SPOCD1: variants seen among roughly 807,000 people sequenced by gnomAD.
SPOCD1 encodes SPOC domain-containing protein 1.
SPOCD1 carries 64 observed loss-of-function variants against 92.2 expected under a neutral mutation model. The ratio of observed to expected loss-of-function variants is 0.69; its 90% CI spans 0.57 to 0.86. The LOEUF (loss-of-function observed/expected upper bound fraction) is 0.86. Ranked by LOEUF, SPOCD1 falls within the 40% of genes least tolerant of loss-of-function variation. SPOCD1 has a pLI of 0.00. For synonymous variants in SPOCD1, 578 were observed against 619.3 expected, an observed-to-expected ratio of 0.93 and a Z score of 0.99; for missense variants, 1,360 against 1,543.1, an observed-to-expected ratio of 0.88 and a Z score of 1.99.
intron 2 of SPOCD1, among the ~76,000 whole-genome samples, chr1:31,809,300 T>A (rs72664935): frequency 6.6e-6 from 1 of 151,960 alleles, no homozygotes; most frequent in Non-Finnish European, 1.5e-5. Context: ...AACCTAAGTC[T>A]GCTACCATCA....
intron 2 of SPOCD1, among the ~76,000 whole-genome samples, chr1:31,804,087 T>C (rs1648653872): frequency 6.6e-6 from 1 of 152,164 alleles, no homozygotes; most frequent in African/African-American, 2.4e-5. Flanking sequence ...ACATCAACAC[T>C]CATGATAAGG....
chr1:31,805,760 T>C (rs1437439445), intron 2 of SPOCD1, among the ~76,000 whole-genome samples: 1 of 151,852 alleles, frequency 6.6e-6, no homozygotes, highest in Non-Finnish European at 1.5e-5. Flanking sequence ...TAGGAGTAGA[T>C]GTAAATAAAT....
rs1485060095 is a variant in SPOCD1 at position 31,791,127 on chromosome 1, C to T, written c.3127G>A (p.Val1043Met). 1 of 1,613,174 alleles carries T rather than the reference C, an allele frequency of 6.2e-7. No individual in the cohort carries two copies. Among genetic ancestry groups the T allele is most frequent in the Non-Finnish European group, 8.5e-7 (1 of 1,179,848 alleles). The change falls in exon 16 of 16, where the codon GTG (valine) becomes ATG (methionine). Residue 1043 changes from valine (V) to methionine (M), a missense_variant. Coordinates refer to ENST00000360482, the MANE Select transcript of SPOCD1 (RefSeq NM_144569.7). ...TCTGGCTGATAGTATCTCTTCTCCA[C>T]CTTACTGTTGAAGGAGACCATCTTT... ...VQKMVSFNSK[V>M]EKRYYQPDDR...
chr1:31,812,967 A>G (rs1449584338), intron 2 of SPOCD1, among the ~76,000 whole-genome samples: 1 of 152,228 alleles, frequency 6.6e-6, no homozygotes, highest in Non-Finnish European at 1.5e-5. Flanking sequence ...ACCAAAAACA[A>G]GTAGAGTCTT....
Position 31,814,341 on chromosome 1 carries a change from C to T in SPOCD1, c.993G>A (p.Gly331=), listed in dbSNP as rs143063120. 2,625 of 1,581,982 alleles carry T rather than the reference C, an allele frequency of 1.7e-3. 7 individuals carry two copies. Among genetic ancestry groups the T allele is most frequent in the Non-Finnish European group, 2.1e-3 (2,458 of 1,160,802 alleles). Residue 331 remains glycine, a synonymous_variant, in exon 2 of 16, where the codon GGG becomes GGA. Coordinates refer to ENST00000360482, the MANE Select transcript of SPOCD1 (RefSeq NM_144569.7). This position sits in a 1 kb window ranked among gnomAD's most constrained non-coding sequence, Gnocchi z 4.2. ...GCTCTGCAGAGGCCTGTGCTGACGC[C>T]CCCAGGCACAGTGCTGCGCTCTGTG... ...APPQSAALCL[G]ASAQASAEQQ... is the part of the protein sequence containing the mutation.
chr1:31,813,645 T>C (rs1649346693), intron 2 of SPOCD1, among the ~76,000 whole-genome samples: 1 of 152,120 alleles, frequency 6.6e-6, no homozygotes, highest in Non-Finnish European at 1.5e-5. Context: ...TTTTTTACAA[T>C]GAGGAAACCT....
chr1:31,811,975 A>T (rs1414602054), intron 2 of SPOCD1, among the ~76,000 whole-genome samples: 1 of 152,208 alleles, frequency 6.6e-6, no homozygotes, highest in Admixed American at 6.5e-5. Flanking sequence ...ATCTGGTCCA[A>T]ATAAATCATG....
rs1647511055 is a variant in SPOCD1 at position 31,790,606 on chromosome 1, G to C, written c.3648C>G (p.Ala1216=). Residue 1216 remains alanine (A), a synonymous_variant, in exon 16 of 16, where the codon GCC becomes GCG. Coordinates refer to ENST00000360482, the MANE Select transcript of SPOCD1 (RefSeq NM_144569.7). ...AGSECPFPRK[A] The stretch of plus-strand genomic sequence containing the variant: ...CTGTTCTGGTGGGTAAGGAGGGTCA[G>C]GCCTTTCTAGGGAAGGGACACTCAG... The C allele has an allele frequency of 6.4e-7, 1 of 1,551,554 alleles. No homozygotes were observed.
In SPOCD1 at chr1:31,800,511, C is replaced by G. The variant is rs1297658384; in HGVS notation, c.1532G>C (p.Ser511Thr). 3 of 1,612,596 alleles carry G rather than the reference C, an allele frequency of 1.9e-6. No homozygotes were observed. The highest frequency in any genetic ancestry group is 2.2e-5 in the East Asian group (1 of 44,840). Residue 511 changes from serine (S) to threonine (T), a missense_variant, in exon 4 of 16, where the codon AGC (serine) becomes ACC (threonine). By Grantham distance (58) the Ser-to-Thr change is moderately conservative. Around this residue, in one of 3 missense-constraint regions of SPOCD1, gnomAD observed 606 missense variants for 601.5 expected, o/e 1.01. Transcript: ENST00000360482. ...GAGCCTCTGGGCAGGTGAGGGTGAGCTGACCTCCATCAAGTCCTCTAGAAC... is the reference window on the plus strand; with the variant it reads ...GAGCCTCTGGGCAGGTGAGGGTGAGGTGACCTCCATCAAGTCCTCTAGAAC... ...LEVLEDLMEV[S>T]SPSPAQRLRR...
At chr1:31,808,249 G>T (rs1326734554) in intron 2 of SPOCD1, among the ~76,000 whole-genome samples, 4 of 151,748 alleles carry the variant, frequency 2.6e-5, no homozygotes, top group Non-Finnish European at 4.4e-5. Flanking sequence ...ACATGAAATT[G>T]AATTCACAAA....
chr1:31,814,339 G>A lies in SPOCD1; in HGVS notation c.995C>T (p.Ala332Val), dbSNP rs764054932. 62 of 1,579,252 alleles carry A rather than the reference G, an allele frequency of 3.9e-5. No individual in the cohort carries two copies. Among genetic ancestry groups the A allele is most frequent in the African/African-American group, 8.1e-5 (6 of 74,014 alleles). ...CTGCTCTGCAGAGGCCTGTGCTGAC[G>A]CCCCCAGGCACAGTGCTGCGCTCTG... ...PPQSAALCLG[A>V]SAQASAEQQE... Residue 332 changes from alanine (A) to valine (V), a missense_variant, in exon 2 of 16, where the codon GCG (alanine) becomes GTG (valine). Ala to Val is a moderately conservative substitution (Grantham distance 64). This residue lies in a region of SPOCD1 where 606 missense variants were observed against 601.5 expected (regional missense o/e 1.01). Transcript: ENST00000360482. The surrounding 1 kb of genome is among the most constrained non-coding windows in gnomAD (Gnocchi z 4.2).
rs374684278 is a variant in SPOCD1 at position 31,814,095 on chromosome 1, G to T, written c.1239C>A (p.Phe413Leu). The change falls in exon 2 of 16, where the codon TTC (phenylalanine) becomes TTA (leucine). Residue 413 changes from phenylalanine (F) to leucine (L), a missense_variant. Transcript: ENST00000360482. The surrounding 1 kb of genome is among the most constrained non-coding windows in gnomAD (Gnocchi z 4.2). ...TEASRACSGP[F>L]MEQRRSKGTK... is the part of the protein sequence containing the mutation. Reference sequence around the variant, plus strand: ...TGCCCTTGGATCTTCTCTGCTCCATGAATGGGCCTGAGCAGGCCCTGCTGG... The same window carrying T: ...TGCCCTTGGATCTTCTCTGCTCCATTAATGGGCCTGAGCAGGCCCTGCTGG... 23 of 1,613,438 alleles carry T rather than the reference G, an allele frequency of 1.4e-5. No homozygotes were observed. The African/African-American group carries it at 2.8e-4, about 20-fold the overall frequency.
chr1:31,810,356 T>TA (rs1649118972), intron 2 of SPOCD1, among the ~76,000 whole-genome samples: 1 of 145,558 alleles, frequency 6.9e-6, no homozygotes, highest in Non-Finnish European at 1.5e-5. Flanking sequence ...AGTGTTGAAT[T>TA]TTTTTTTTTT....
At chr1:31,799,017 C>A (rs988132293) in intron 7 of SPOCD1, among the ~76,000 whole-genome samples, 2 of 152,160 alleles carry the variant, frequency 1.3e-5, no homozygotes, top group African/African-American at 4.8e-5. Context: ...CATTGACTTG[C>A]TGTGTGGCCT....
chr1:31,793,235 G>C lies in SPOCD1; in HGVS notation c.2685+43C>G, dbSNP rs6682632. 3.9e-3 allele frequency: 6,026 copies of C among 1,546,800 alleles called. 191 individuals carry two copies. In the African/African-American group the frequency reaches 0.072, roughly 19 times the overall value. On this transcript the variant is annotated intron_variant, in intron 13 of 15. Coordinates refer to ENST00000360482, the MANE Select transcript of SPOCD1 (RefSeq NM_144569.7). ...GAGAGAGAGAGAGGCTGCCTGGGCT[G>C]GTCAGTGTGTAAGGGAATCCCTGGC...
intron 9 of SPOCD1, 135 bp from the exon 10 acceptor site, chr1:31,796,850 C>A: frequency 8.0e-7 from 1 of 1,246,594 alleles, no homozygotes; most frequent in Non-Finnish European, 1.1e-6. Flanking sequence ...TTCCGCCATA[C>A]CCCTCCTCTG....
chr1:31,800,104 T>A lies in SPOCD1; in HGVS notation c.1640A>T (p.Asp547Val). Residue 547 changes from aspartate (D) to valine (V), a missense_variant, in exon 5 of 16, where the codon GAC becomes GTC. Transcript: ENST00000360482. ...QPSPSGGTAG[D>V]PGGLSDPFYP... ...GAAGGGGTCAGAGAGGCCACCAGGG[T>A]CCCCTGCTGTGCCTCCTGAAGGAGA... The A allele has an allele frequency of 6.2e-7, 1 of 1,604,728 alleles. No individual in the cohort carries two copies. Among genetic ancestry groups the A allele is most frequent in the South Asian group, 1.1e-5 (1 of 89,874 alleles).
At chr1:31,811,487 G>T (rs1304849963) in intron 2 of SPOCD1, among the ~76,000 whole-genome samples, 1 of 151,434 alleles carries the variant, frequency 6.6e-6, no homozygotes, top group Non-Finnish European at 1.5e-5. Flanking sequence ...AAAAAAAAAA[G>T]TCTTCTTGCC....
rs1201259717 is a variant in SPOCD1, at chr1:31,798,704, T to C, written c.1869-103A>G. The C allele has an allele frequency of 7.5e-7, 1 of 1,330,174 alleles. No homozygotes were observed. The highest frequency in any genetic ancestry group is 1.0e-6 in the Non-Finnish European group (1 of 973,316). 82.4% of individuals were successfully genotyped at this position (1,330,174 alleles called of 1,614,324 possible). On this transcript the variant is annotated intron_variant, in intron 7 of 15. Coordinates refer to ENST00000360482, the MANE Select transcript of SPOCD1 (RefSeq NM_144569.7). This position sits in a 1 kb window ranked among gnomAD's most constrained non-coding sequence, Gnocchi z 4.1. ...GGTGGGCGGCAGGGTCTGGGCCAACTTGTTCCTGTCGTGGGTGTTTCCCTG... is the reference window on the plus strand; with the variant it reads ...GGTGGGCGGCAGGGTCTGGGCCAACCTGTTCCTGTCGTGGGTGTTTCCCTG...
Sources: gnomAD v4.1 joint callset for allele counts (sites outside exome capture counted in the v4.1 genomes callset) on GRCh38, gnomAD v4.1.1 for gene constraint, gnomAD v4.1.1 regional missense constraint, Gnocchi (gnomAD v3.1) non-coding constraint, MANE v1.5 for transcripts, NCBI Gene and HGNC (gene_info 2026-07-23, HGNC 2026-07-21) for gene names.